KCNV1: variants seen among roughly 807,000 people sequenced by gnomAD.
KCNV1 encodes potassium voltage-gated channel subfamily V member 1.
In KCNV1, 2 loss-of-function variants were observed where a neutral mutation model predicts 36.4. That is an observed-to-expected ratio of 0.05 (90% CI 0.02 to 0.17). The LOEUF (loss-of-function observed/expected upper bound fraction) is 0.17, where lower values mean the gene tolerates loss of function less well. KCNV1 is among the 10% of genes least tolerant of loss of function. The pLI is 1.00. For missense variants in KCNV1, 321 were observed against 643.6 expected (o/e 0.50, Z 5.42); for synonymous variants, 280 against 261.1 (o/e 1.07, Z -0.70).
At chr8:109,971,052 A>G (rs1820004856) in intron 3 of KCNV1, among the ~76,000 whole-genome samples, 1 of 152,232 alleles carries the variant, frequency 6.6e-6, no homozygotes, top group Non-Finnish European at 1.5e-5. Context: ...TTCACCTGAC[A>G]TTTATAGGAA....
chr8:109,970,411 A>AACAAAG (rs1819995879), intron 3 of KCNV1, among the ~76,000 whole-genome samples: 1 of 152,208 alleles, frequency 6.6e-6, no homozygotes, highest in African/African-American at 2.4e-5. Flanking sequence ...TGTTATCTCT[A>AACAAAG]TTAACTCAGA....
Position 109,973,194 on chromosome 8 carries a change from G to A in KCNV1, c.462-407C>T, listed in dbSNP as rs192590205. 5.5e-3 allele frequency among the ~76,000 whole-genome samples: 838 copies of A among 152,058 alleles called. 6 individuals are homozygous for A. The highest frequency in any genetic ancestry group is 5.8e-3 in the Non-Finnish European group (395 of 67,960). ...CAGGGTTTCACCATGTTGTCCAGGG[G>A]GGGTCTCGAACTCTTGGCCTCAAGT... On this transcript the variant is annotated intron_variant, in intron 2 of 3. Coordinates refer to ENST00000524391, the MANE Select transcript of KCNV1 (RefSeq NM_014379.4).
Position 109,967,933 on chromosome 8 carries a change from G to A in KCNV1, c.*155C>T, listed in dbSNP as rs11986521. ...ACTGTGCAGTTGTTATAGGTGATGT[G>A]AAATATTCTAGTAGATGAAGCAATA... is the stretch of plus-strand genomic sequence containing the variant. On this transcript the variant is annotated 3_prime_UTR_variant, in exon 4 of 4. Coordinates refer to ENST00000524391, the MANE Select transcript of KCNV1 (RefSeq NM_014379.4). 4.7e-5 allele frequency: 34 copies of A among 722,518 alleles called. No homozygotes were observed. The African/African-American group carries it at 5.7e-4, about 12-fold the overall frequency. 44.8% of individuals were successfully genotyped at this position (722,518 alleles called of 1,614,324 possible).
intron 3 of KCNV1, among the ~76,000 whole-genome samples, chr8:109,969,088 T>C (rs1032899230): frequency 1.3e-5 from 2 of 152,128 alleles, no homozygotes; most frequent in Non-Finnish European, 2.9e-5. Flanking sequence ...TCACCTTCCT[T>C]GTAAAGTTTA....
rs139291661 is a variant in KCNV1, at chr8:109,971,160, A to G, written c.991+1098T>C. On this transcript the variant is annotated intron_variant, in intron 3 of 3. Transcript: ENST00000524391. ...ATATCTAGCCAATTTGTTTGTGCTA[A>G]TATGTATTTGTATCAACATATATAA... is the stretch of plus-strand genomic sequence containing the variant. Among the ~76,000 whole-genome samples, 18 of 152,310 alleles carry G rather than the reference A, an allele frequency of 1.2e-4. No homozygotes were observed. The East Asian group carries it at 3.3e-3, about 28-fold the overall frequency.
Position 109,974,761 on chromosome 8 carries a change from A to C in KCNV1, c.-373T>G. On this transcript the variant is annotated 5_prime_UTR_variant, in exon 2 of 4. Transcript: ENST00000524391. This position sits in a 1 kb window ranked among gnomAD's most constrained non-coding sequence, Gnocchi z 6.2. ...TCCCAACTTCGCAATTGCGATTCCC[A>C]GCCCAGGAGGTGTACAGATTGAATG... The C allele has an allele frequency of 1.8e-5, 5 of 275,450 alleles. No individual in the cohort carries two copies. Among genetic ancestry groups the C allele is most frequent in the Non-Finnish European group, 3.4e-5 (5 of 145,094 alleles). 17.1% of individuals were successfully genotyped at this position (275,450 alleles called of 1,614,324 possible).
At position 109,973,948 on chromosome 8, in the gene KCNV1, G is replaced by A. The variant is rs1379138400; in HGVS notation, c.441C>T (p.Ile147=). 3 of 1,606,370 alleles carry A rather than the reference G, an allele frequency of 1.9e-6. No individual in the cohort carries two copies. Among genetic ancestry groups the A allele is most frequent in the African/African-American group, 1.3e-5 (1 of 74,862 alleles). Residue 147 remains isoleucine, a synonymous_variant, in exon 2 of 4, where the codon ATC becomes ATT. Coordinates refer to ENST00000524391, the MANE Select transcript of KCNV1 (RefSeq NM_014379.4). ...IQYWGIDELS[I]DSCCRDRYFR... ...GGTACCTGTCCCTGCAGCAGGAATC[G>A]ATGCTGAGCTCATCGATGCCCCAGT...
chr8:109,965,498 A>G lies in KCNV1; in HGVS notation c.*2590T>C, dbSNP rs1402061762. 1 of 152,156 alleles carries G rather than the reference A, an allele frequency of 6.6e-6. No individual in the cohort carries two copies. Among genetic ancestry groups the G allele is most frequent in the Non-Finnish European group, 1.5e-5 (1 of 68,008 alleles). The allele number at this position is 152,156 out of a possible 1,614,324, so 9.4% of individuals were successfully genotyped here. ...AAAATTGAGTAAGCAATGATATTTT[A>G]AAACTTCTTTCTGAAGACCTACATC... On this transcript the variant is annotated 3_prime_UTR_variant, in exon 4 of 4. Transcript: ENST00000524391.
In KCNV1 at chr8:109,968,935, T is replaced by C. The variant is rs1801137225; in HGVS notation, c.992-336A>G. On this transcript the variant is annotated intron_variant, in intron 3 of 3. Transcript: ENST00000524391. This position sits in a 1 kb window ranked among gnomAD's most constrained non-coding sequence, Gnocchi z 5.3. Reference sequence around the variant, plus strand: ...CAGGGGTGGTATGATAGGAGTTTTGTACTTTAGTCTGTACAATAAGAGGCC... The same window carrying C: ...CAGGGGTGGTATGATAGGAGTTTTGCACTTTAGTCTGTACAATAAGAGGCC... Among the ~76,000 whole-genome samples the C allele has an allele frequency of 6.6e-6, 1 of 152,192 alleles. No homozygotes were observed. The highest frequency in any genetic ancestry group is 2.1e-4 in the South Asian group (1 of 4,832).
Position 109,964,020 on chromosome 8 carries a change from A to G in KCNV1, c.*4068T>C, listed in dbSNP as rs1819916671. ...CAAATGGGATCTAATTAAACTCTAG[A>G]GCTTTGTCAGAGCAAAGGAACCTAT... On this transcript the variant is annotated 3_prime_UTR_variant, in exon 4 of 4. Coordinates refer to ENST00000524391, the MANE Select transcript of KCNV1 (RefSeq NM_014379.4). The G allele has an allele frequency of 6.6e-6, 1 of 152,180 alleles. No individual in the cohort carries two copies. Among genetic ancestry groups the G allele is most frequent in the Non-Finnish European group, 1.5e-5 (1 of 68,042 alleles). 9.4% of individuals were successfully genotyped at this position (152,180 alleles called of 1,614,324 possible).
Position 109,966,311 on chromosome 8 carries a change from A to G in KCNV1, c.*1777T>C, listed in dbSNP as rs1209566689. On this transcript the variant is annotated 3_prime_UTR_variant, in exon 4 of 4. Transcript: ENST00000524391. ...TCAGATTGTGGAAGGGATTTATACT[A>G]TGACTAGTGGCCCTGTGCCACAATC... 4.6e-5 allele frequency: 7 copies of G among 152,192 alleles called. No individual in the cohort carries two copies. The highest frequency in any genetic ancestry group is 1.0e-4 in the Non-Finnish European group (7 of 68,034). 9.4% of individuals were successfully genotyped at this position (152,192 alleles called of 1,614,324 possible).
chr8:109,969,217 C>T (rs972195046), intron 3 of KCNV1, among the ~76,000 whole-genome samples: 3 of 152,140 alleles, frequency 2.0e-5, no homozygotes, highest in African/African-American at 7.2e-5. Context: ...ATGAGAACAT[C>T]ACATGTATAT....
Position 109,974,504 on chromosome 8 carries a change from C to G in KCNV1, c.-116G>C. On this transcript the variant is annotated 5_prime_UTR_variant, in exon 2 of 4. Transcript: ENST00000524391. The surrounding 1 kb of genome is among the most constrained non-coding windows in gnomAD (Gnocchi z 6.2). ...GTGGCGGCCGGGATTCCCCGGGCTCCCGAAGGGGTTACCTCTCCTTGGCGC... is the reference window on the plus strand; with the variant it reads ...GTGGCGGCCGGGATTCCCCGGGCTCGCGAAGGGGTTACCTCTCCTTGGCGC... 1.4e-6 allele frequency: 1 copy of G among 725,324 alleles called. No individual in the cohort carries two copies. Among genetic ancestry groups the G allele is most frequent in the Non-Finnish European group, 2.2e-6 (1 of 452,426 alleles). The allele number at this position is 725,324 out of a possible 1,614,324, so 44.9% of individuals were successfully genotyped here. A position where few individuals can be genotyped will look rare whatever the true frequency, so the allele number is the denominator to read the frequency against.
In KCNV1 at chr8:109,964,064, A is replaced by C. The variant is rs542692869; in HGVS notation, c.*4024T>G. On this transcript the variant is annotated 3_prime_UTR_variant, in exon 4 of 4. Coordinates refer to ENST00000524391, the MANE Select transcript of KCNV1 (RefSeq NM_014379.4). ...AACCTATCAACAGAGTGAACAGACA[A>C]CCTACAGATTGGGGGAAAATATTTG... 12 of 152,270 alleles carry C rather than the reference A, an allele frequency of 7.9e-5. No homozygotes were observed. The East Asian group carries it at 2.3e-3, about 29-fold the overall frequency. The allele number at this position is 152,270 out of a possible 1,614,324, so 9.4% of individuals were successfully genotyped here.
Position 109,966,451 on chromosome 8 carries a change from T to G in KCNV1, c.*1637A>C, listed in dbSNP as rs1368862818. 1 of 152,208 alleles carries G rather than the reference T, an allele frequency of 6.6e-6. No individual in the cohort carries two copies. Among genetic ancestry groups the G allele is most frequent in the Non-Finnish European group, 1.5e-5 (1 of 68,020 alleles). The allele number at this position is 152,208 out of a possible 1,614,324, so 9.4% of individuals were successfully genotyped here. ...AAACAAGTTAAATGAATTAAAGTAC[T>G]TTAGCACACAATCTAAAACTCATGC... On this transcript the variant is annotated 3_prime_UTR_variant, in exon 4 of 4. Coordinates refer to ENST00000524391, the MANE Select transcript of KCNV1 (RefSeq NM_014379.4).
intron 3 of KCNV1, among the ~76,000 whole-genome samples, chr8:109,971,578 A>C (rs1034135226): frequency 3.9e-5 from 6 of 152,074 alleles, no homozygotes; most frequent in African/African-American, 1.4e-4. Context: ...AGATTTTCAA[A>C]GGCTCTGTGA....
At position 109,964,167 on chromosome 8, in the gene KCNV1, C is replaced by T. The variant is rs946478928; in HGVS notation, c.*3921G>A. ...ACAAATTTACAAGAAAAAAAAATCC[C>T]ATTAAAAAGTGGGCAAAGGATATGA... On this transcript the variant is annotated 3_prime_UTR_variant, in exon 4 of 4. Transcript: ENST00000524391. 6.6e-6 allele frequency: 1 copy of T among 151,744 alleles called. No homozygotes were observed. Among genetic ancestry groups the T allele is most frequent in the African/African-American group, 2.4e-5 (1 of 41,296 alleles). The allele number at this position is 151,744 out of a possible 1,614,324, so 9.4% of individuals were successfully genotyped here.
Position 109,974,790 on chromosome 8 carries a change from C to T in KCNV1, c.-402G>A, listed in dbSNP as rs1428369746. 1 of 199,780 alleles carries T rather than the reference C, an allele frequency of 5.0e-6. No individual in the cohort carries two copies. Among genetic ancestry groups the T allele is most frequent in the Non-Finnish European group, 1.0e-5 (1 of 98,926 alleles). The allele number at this position is 199,780 out of a possible 1,614,324, so 12.4% of individuals were successfully genotyped here. ...CAGGAGGTGTACAGATTGAATGACTCGCTACTTGGTGGGTGGAGGGGTTGG... is the reference window on the plus strand; with the variant it reads ...CAGGAGGTGTACAGATTGAATGACTTGCTACTTGGTGGGTGGAGGGGTTGG... On this transcript the variant is annotated 5_prime_UTR_variant, in exon 2 of 4. Coordinates refer to ENST00000524391, the MANE Select transcript of KCNV1 (RefSeq NM_014379.4). The surrounding 1 kb of genome is among the most constrained non-coding windows in gnomAD (Gnocchi z 6.2).
At position 109,964,898 on chromosome 8, in the gene KCNV1, A is replaced by T. The variant is rs1819927285; in HGVS notation, c.*3190T>A. 1 of 152,184 alleles carries T rather than the reference A, an allele frequency of 6.6e-6. No homozygotes were observed. 9.4% of individuals were successfully genotyped at this position (152,184 alleles called of 1,614,324 possible). A position where few individuals can be genotyped will look rare whatever the true frequency, so the allele number is the denominator to read the frequency against. ...GGAAAAATAACTGGTGCTAGGTTTA[A>T]TACCTGGGTGATGAAATAATCCGTG... On this transcript the variant is annotated 3_prime_UTR_variant, in exon 4 of 4. Transcript: ENST00000524391.
Sources: allele counts gnomAD v4.1 joint callset (sites outside exome capture counted in the v4.1 genomes callset), GRCh38; gene constraint gnomAD v4.1.1; non-coding constraint Gnocchi (gnomAD v3.1); transcripts MANE v1.5; gene names NCBI Gene and HGNC (gene_info 2026-07-23, HGNC 2026-07-21).